The following HEG1 variants were observed in gnomAD, a reference collection of about 807,000 sequenced individuals.
The protein encoded by HEG1 is heart development protein with EGF like domains 1, also known as protein HEG homolog 1.
Under a neutral mutation model 125.6 loss-of-function variants are expected in HEG1, and 56 were observed. The observed-to-expected ratio is 0.45, with a 90% CI of 0.36 to 0.56. The LOEUF is 0.56. Among genes scored for constraint, HEG1 ranks in the 20% least tolerant of loss-of-function variants. HEG1 has a pLI of 0.00. For missense variants in HEG1, 1,523 were observed against 1,670.0 expected, an observed-to-expected ratio of 0.91 and a Z score of 1.53; for synonymous variants, 644 against 668.5, an observed-to-expected ratio of 0.96 and a Z score of 0.57.
chr3:125,035,882 C>T (rs187233341), intron 1 of HEG1, among the ~76,000 whole-genome samples: 80 of 152,082 alleles, frequency 5.3e-4, no homozygotes, highest in Middle Eastern at 3.4e-3. Context: ...ATAGCAGAAG[C>T]GTAACTTTGA....
chr3:125,032,765 T>C (rs889023976), intron 1 of HEG1, among the ~76,000 whole-genome samples: 1 of 152,186 alleles, frequency 6.6e-6, no homozygotes, highest in African/African-American at 2.4e-5. Flanking sequence ...TCAAAACCCA[T>C]GCCCCAAAGC....
At chr3:125,011,491 T>C (rs1035096603) in intron 6 of HEG1, among the ~76,000 whole-genome samples, 1 of 152,230 alleles carries the variant, frequency 6.6e-6, no homozygotes, top group Non-Finnish European at 1.5e-5. Context: ...TGAATTAGAT[T>C]TCATCTGGCA....
At chr3:125,044,887 C>T (rs929467714) in intron 1 of HEG1, among the ~76,000 whole-genome samples, 9 of 152,140 alleles carry the variant, frequency 5.9e-5, no homozygotes, top group Admixed American at 5.2e-4. Context: ...AGGGATATGA[C>T]ATCTTGATGT....
chr3:124,985,140 G>T (rs1359478269), intron 14 of HEG1, among the ~76,000 whole-genome samples: 1 of 152,090 alleles, frequency 6.6e-6, no homozygotes, highest in Non-Finnish European at 1.5e-5. Flanking sequence ...TATGGGCCTG[G>T]TGAGAATTCA....
intron 1 of HEG1, among the ~76,000 whole-genome samples, chr3:125,029,707 T>C (rs747495983): frequency 1.3e-5 from 2 of 152,074 alleles, no homozygotes; most frequent in Admixed American, 6.5e-5. Context: ...CTGGCCAACA[T>C]GGTAAAACCC....
At position 124,970,305 on chromosome 3, in the gene HEG1, A is replaced by G. The variant is rs1353682081; in HGVS notation, c.*347T>C. ...AAGGAAACCTCCCACCCAATTTACT[A>G]AAGTGCAAACGAAGGGAAAACCAGG... On this transcript the variant is annotated 3_prime_UTR_variant, in exon 17 of 17. Transcript: ENST00000311127. The G allele has an allele frequency of 5.2e-6, 1 of 193,960 alleles. No homozygotes were observed. Among genetic ancestry groups the G allele is most frequent in the African/African-American group, 2.3e-5 (1 of 43,176 alleles). The allele number at this position is 193,960 out of a possible 1,614,324, so 12.0% of individuals were successfully genotyped here.
At chr3:125,020,678 C>T in intron 4 of HEG1, 114 bp downstream of exon 4, 1 of 798,506 alleles carries the variant, frequency 1.3e-6, no homozygotes, top group South Asian at 1.8e-5. Context: ...GCAATAGTGC[C>T]ATTAAAAAGC....
intron 9 of HEG1, 40 bp from the exon 10 acceptor site, chr3:125,002,355 A>G: frequency 1.3e-6 from 2 of 1,567,482 alleles, no homozygotes; most frequent in Non-Finnish European, 1.7e-6. Flanking sequence ...AGTGAGTTAG[A>G]CAAAAGCCTT....
intron 2 of HEG1, 130 bp from the exon 3 acceptor site, chr3:125,027,637 T>C: frequency 1.3e-6 from 1 of 782,182 alleles, no homozygotes; most frequent in Non-Finnish European, 2.0e-6. Context: ...AATAATTCAG[T>C]CTATGAAAAA....
At position 125,002,114 on chromosome 3, in the gene HEG1, G is replaced by A. The variant is rs1579410078; in HGVS notation, c.3357-102C>T. 14 of 1,531,628 alleles carry A rather than the reference G, an allele frequency of 9.1e-6. No homozygotes were observed. In the East Asian group the frequency reaches 3.2e-4, roughly 35 times the overall value. The allele number at this position is 1,531,628 out of a possible 1,614,324, so 94.9% of individuals were successfully genotyped here. On this transcript the variant is annotated intron_variant, in intron 10 of 16. Coordinates refer to ENST00000311127, the MANE Select transcript of HEG1 (RefSeq NM_020733.2). Reference sequence around the variant, plus strand: ...TCGCCATTCACCAGTGACGGGATGGGAGAGCATGAAGGTCAGTGACCTTGG... The same window carrying A: ...TCGCCATTCACCAGTGACGGGATGGAAGAGCATGAAGGTCAGTGACCTTGG...
At chr3:124,993,023 GC>G (rs1462244917) in intron 12 of HEG1, among the ~76,000 whole-genome samples, 1 of 152,204 alleles carries the variant, frequency 6.6e-6, no homozygotes, top group Non-Finnish European at 1.5e-5. Flanking sequence ...TGACGAGGAT[GC>G]CCCAGAGAAA....
chr3:124,990,851 A>G (rs1409520875), intron 13 of HEG1, 27 bp from the exon 14 acceptor site: 7 of 1,559,614 alleles, frequency 4.5e-6, no homozygotes, highest in Non-Finnish European at 6.1e-6. Context: ...AAAAAAGGGC[A>G]AGAATTAGTT....
intron 9 of HEG1, among the ~76,000 whole-genome samples, chr3:125,004,392 C>T (rs1333139156): frequency 6.6e-6 from 1 of 152,158 alleles, no homozygotes; most frequent in Non-Finnish European, 1.5e-5. Context: ...AAATCTCTGA[C>T]TCAGATAGCA....
chr3:124,971,883 G>A (rs1453529541), intron 16 of HEG1: 1 of 150,098 alleles, frequency 6.7e-6, no homozygotes, highest in African/African-American at 2.5e-5. Context: ...TGACCTCCTG[G>A]GCTTAAGTGA....
Position 125,019,487 on chromosome 3 carries a change from T to A in HEG1, c.1363A>T (p.Thr455Ser). The change falls in exon 5 of 17, where the codon ACT (threonine) becomes TCT (serine). Residue 455 changes from threonine to serine, a missense_variant. Physicochemically the swap from Thr to Ser is moderately conservative, Grantham distance 58. Transcript: ENST00000311127. Reference protein sequence around the residue: ...SVAPMRGGEITAHWLLTNSTT... With the variant: ...SVAPMRGGEISAHWLLTNSTT... Reference sequence around the variant, plus strand: ...CTGTTGGTCAAGAGCCAGTGTGCAGTGATCTCTCCACCTCTCATGGGTGCG... The same window carrying A: ...CTGTTGGTCAAGAGCCAGTGTGCAGAGATCTCTCCACCTCTCATGGGTGCG... The A allele has an allele frequency of 6.2e-7, 1 of 1,614,024 alleles. No homozygotes were observed. The highest frequency in any genetic ancestry group is 8.5e-7 in the Non-Finnish European group (1 of 1,179,886).
At chr3:125,055,245 A>T (rs1165467023) in intron 1 of HEG1, among the ~76,000 whole-genome samples, 1 of 152,216 alleles carries the variant, frequency 6.6e-6, no homozygotes, top group Non-Finnish European at 1.5e-5. Context: ...CTGGCCAGAT[A>T]TCGGAGGTGG....
chr3:125,053,431 A>AATC (rs1937858792), intron 1 of HEG1, among the ~76,000 whole-genome samples: 1 of 152,132 alleles, frequency 6.6e-6, no homozygotes, highest in African/African-American at 2.4e-5. Context: ...TCATGCCTAG[A>AATC]TCCTTGGCCA....
chr3:125,011,691 G>A (rs1022403173), intron 6 of HEG1, among the ~76,000 whole-genome samples: 6 of 152,194 alleles, frequency 3.9e-5, no homozygotes, highest in African/African-American at 1.2e-4. Context: ...GTGGCTGACA[G>A]GTTGGAACTG....
chr3:124,991,314 A>C (rs1261717441), intron 12 of HEG1, among the ~76,000 whole-genome samples: 3 of 151,134 alleles, frequency 2.0e-5, no homozygotes, highest in African/African-American at 7.3e-5. Flanking sequence ...CATGCCCAGC[A>C]AATTTTTATA....
Sources: gnomAD v4.1 joint callset for allele counts (sites outside exome capture counted in the v4.1 genomes callset) on GRCh38, gnomAD v4.1.1 for gene constraint, MANE v1.5 for transcripts, NCBI Gene and HGNC (gene_info 2026-07-23, HGNC 2026-07-21) for gene names.